The following TJP1 variants were observed in gnomAD, a reference collection of about 807,000 sequenced individuals.
TJP1 encodes tight junction protein 1.
In TJP1, 43 loss-of-function variants were observed where a neutral mutation model predicts 194.2. That is an observed-to-expected ratio of 0.22 (90% CI 0.17 to 0.29). The LOEUF (loss-of-function observed/expected upper bound fraction) is 0.29, where lower values mean the gene tolerates loss of function less well. TJP1 is among the 10% of genes least tolerant of loss of function. The pLI is 1.00. For synonymous variants in TJP1, 801 were observed against 779.0 expected, an observed-to-expected ratio of 1.03 and a Z score of -0.47; for missense variants, 1,971 against 2,185.7, an observed-to-expected ratio of 0.90 and a Z score of 1.96.
intron 2 of TJP1, among the ~76,000 whole-genome samples, chr15:29,775,492 A>G (rs2046957274): frequency 6.6e-6 from 1 of 152,104 alleles, no homozygotes; most frequent in South Asian, 2.1e-4. Context: ...AAGATGGAAA[A>G]GGCATTAAAC....
At chr15:29,807,666 A>T (rs2049199959) in intron 1 of TJP1, among the ~76,000 whole-genome samples, 1 of 152,124 alleles carries the variant, frequency 6.6e-6, no homozygotes, top group Admixed American at 6.6e-5. Context: ...GAGGGGAGGA[A>T]ATCAAAAACA....
intron 2 of TJP1, among the ~76,000 whole-genome samples, chr15:29,872,265 T>G (rs1382660238): frequency 6.6e-6 from 1 of 152,210 alleles, no homozygotes; most frequent in Non-Finnish European, 1.5e-5. Context: ...CAAATAACTG[T>G]GCTAGATTAT....
At chr15:29,952,246 C>G (rs952544667) in intron 2 of TJP1, among the ~76,000 whole-genome samples, 4 of 152,218 alleles carry the variant, frequency 2.6e-5, no homozygotes, top group South Asian at 2.1e-4. Flanking sequence ...ATACACAGAA[C>G]AGAATTGTTG....
intron 5 of TJP1, among the ~76,000 whole-genome samples, chr15:29,762,752 TCAGAATGATTAAGGAA>T (rs1424455288): frequency 6.6e-6 from 1 of 152,116 alleles, no homozygotes; most frequent in African/African-American, 2.4e-5. Flanking sequence ...CACTAGCTCT[TCAGAATGATTAAGGAA>T]TACAATTTTC....
chr15:29,703,317 G>A (rs546118471), intron 27 of TJP1, among the ~76,000 whole-genome samples: 1 of 152,110 alleles, frequency 6.6e-6, no homozygotes, highest in East Asian at 2.0e-4. Flanking sequence ...AGGCATGGTG[G>A]TGGGCACCTG....
chr15:29,855,749 A>T lies in TJP1; in HGVS notation c.307-55047T>A, dbSNP rs138226405. On this transcript the variant is annotated intron_variant, in intron 2 of 28. Transcript: ENST00000356107. ...CACGCGCCTGTAATCCCAGTTACTC[A>T]GGAGGCTGAGGCACGAGAATCGCTT... Among the ~76,000 whole-genome samples the T allele has an allele frequency of 5.6e-3, 858 of 152,148 alleles. 5 individuals carry two copies. Among genetic ancestry groups the T allele is most frequent in the Non-Finnish European group, 9.7e-3 (661 of 68,004 alleles).
intron 2 of TJP1, among the ~76,000 whole-genome samples, chr15:29,949,442 T>TCCACAACCA (rs2055470866): frequency 1.9e-5 from 2 of 102,942 alleles, no homozygotes; most frequent in Non-Finnish European, 1.9e-5. Context: ...CACCTCCACC[T>TCCACAACCA]CCACCTTCAC....
chr15:29,884,765 G>T (rs929057676), intron 2 of TJP1, among the ~76,000 whole-genome samples: 6 of 152,132 alleles, frequency 3.9e-5, no homozygotes, highest in African/African-American at 1.4e-4. Context: ...ATTACACAAA[G>T]AGGTACAGTT....
chr15:29,838,992 CTTTTTTTTTTTTTT>C (rs760557407), intron 2 of TJP1, among the ~76,000 whole-genome samples: 2 of 83,444 alleles, frequency 2.4e-5, no homozygotes, highest in South Asian at 5.2e-4. Context: ...AAAAATTCAC[CTTTTTTTTTTTTTT>C]TTTTTTTTTT....
intron 4 of TJP1, among the ~76,000 whole-genome samples, chr15:29,768,527 C>T (rs368025914): frequency 3.3e-5 from 5 of 152,248 alleles, no homozygotes; most frequent in East Asian, 3.9e-4. Context: ...TGTAAGAGTG[C>T]GCCACCTCTT....
At chr15:29,849,048 A>C (rs987609356) in intron 2 of TJP1, among the ~76,000 whole-genome samples, 1 of 152,202 alleles carries the variant, frequency 6.6e-6, no homozygotes, top group African/African-American at 2.4e-5. Flanking sequence ...TCTCTGAAAC[A>C]TATCTTATAA....
intron 4 of TJP1, among the ~76,000 whole-genome samples, chr15:29,770,996 C>T (rs1403049485): frequency 6.6e-6 from 1 of 152,186 alleles, no homozygotes; most frequent in East Asian, 1.9e-4. Flanking sequence ...CTCGCTGACT[C>T]ACTCAGAGCA....
chr15:29,781,910 C>G (rs1211003775), intron 2 of TJP1, among the ~76,000 whole-genome samples: 2 of 152,108 alleles, frequency 1.3e-5, no homozygotes, highest in African/African-American at 4.8e-5. Flanking sequence ...AGAACCAGCA[C>G]AAGACAAGGA....
chr15:29,847,927 T>C (rs1348776162), intron 2 of TJP1, among the ~76,000 whole-genome samples: 1 of 152,242 alleles, frequency 6.6e-6, no homozygotes, highest in African/African-American at 2.4e-5. Context: ...CAATTATGTG[T>C]ATTTTTACAT....
At chr15:29,812,344 A>G (rs955845366) in intron 1 of TJP1, among the ~76,000 whole-genome samples, 1 of 152,214 alleles carries the variant, frequency 6.6e-6, no homozygotes, top group Non-Finnish European at 1.5e-5. Context: ...TTTCACAATA[A>G]AAAGATATAA....
At chr15:29,749,054 A>G (rs2045051615) in intron 8 of TJP1, among the ~76,000 whole-genome samples, 2 of 152,108 alleles carry the variant, frequency 1.3e-5, no homozygotes, top group Admixed American at 1.3e-4. Context: ...AGCTCCTGGT[A>G]GCCTAGAAGG....
In TJP1 at chr15:29,962,509, G is replaced by A. The variant is rs956172309; in HGVS notation, c.174-6145C>T. 1.3e-4 allele frequency among the ~76,000 whole-genome samples: 20 copies of A among 152,290 alleles called. 1 individual carries two copies. The highest frequency in any genetic ancestry group is 8.3e-4 in the South Asian group (4 of 4,828). On this transcript the variant is annotated intron_variant, in intron 1 of 28. Transcript: ENST00000356107. ...CTAATAATCCTTCTACAAGATATTT[G>A]TTTTAAGATACCAGCAACTGACAGC...
At chr15:29,759,295 T>C (rs1384865976) in intron 8 of TJP1, 2 of 152,214 alleles carry the variant, frequency 1.3e-5, no homozygotes, top group Non-Finnish European at 2.9e-5. Flanking sequence ...TAATCCTAAA[T>C]CATCTCTTCA....
At chr15:29,845,124 T>C (rs1027463251) in intron 2 of TJP1, among the ~76,000 whole-genome samples, 11 of 152,206 alleles carry the variant, frequency 7.2e-5, no homozygotes, top group Non-Finnish European at 1.6e-4. Context: ...TCAAACAAAG[T>C]ATGCTAAAGC....
Sources: gnomAD v4.1 joint callset for allele counts (sites outside exome capture counted in the v4.1 genomes callset) on GRCh38, gnomAD v4.1.1 for gene constraint, MANE v1.5 for transcripts, NCBI Gene and HGNC (gene_info 2026-07-23, HGNC 2026-07-21) for gene names.